Variants in PRLR observed in about 807,000 individuals in gnomAD.
The protein encoded by PRLR is prolactin receptor.
PRLR carries 13 observed loss-of-function variants against 40.2 expected under a neutral mutation model. The observed-to-expected ratio is 0.32, with a 90% CI of 0.21 to 0.51. The LOEUF (loss-of-function observed/expected upper bound fraction) is 0.51. Among genes scored for constraint, PRLR ranks in the 20% least tolerant of loss-of-function variants. The pLI, the probability that PRLR is intolerant of heterozygous loss-of-function variation, is 0.97. For missense variants in PRLR, 656 were observed against 747.3 expected (o/e 0.88, Z 1.42); for synonymous variants, 269 against 278.7 (o/e 0.97, Z 0.35).
intron 1 of PRLR, among the ~76,000 whole-genome samples, chr5:35,142,471 T>G (rs1467861748): frequency 6.6e-6 from 1 of 152,212 alleles, no homozygotes; most frequent in Non-Finnish European, 1.5e-5. Flanking sequence ...AATTATCTAG[T>G]GAATTTAATA....
chr5:35,217,115 C>A (rs1268575176), intron 1 of PRLR, among the ~76,000 whole-genome samples: 1 of 152,190 alleles, frequency 6.6e-6, no homozygotes, highest in Non-Finnish European at 1.5e-5. Flanking sequence ...CCAACCCATG[C>A]AATCCTTTTC....
chr5:35,180,098 A>G (rs765580704), intron 1 of PRLR, among the ~76,000 whole-genome samples: 1 of 152,194 alleles, frequency 6.6e-6, no homozygotes, highest in Non-Finnish European at 1.5e-5. Context: ...TGTGCAACCT[A>G]GATCCCTCAC....
At position 35,061,809 on chromosome 5, in the gene PRLR, C is replaced by T. The variant is rs1769055578; in HGVS notation, c.*3280G>A. Reference sequence around the variant, plus strand: ...AACTCAGAGTGTAAGGATACATGAGCCAACTGTGCAATGGTTGTTAACAAT... The same window carrying T: ...AACTCAGAGTGTAAGGATACATGAGTCAACTGTGCAATGGTTGTTAACAAT... On this transcript the variant is annotated 3_prime_UTR_variant, in exon 10 of 10. Transcript: ENST00000618457. The T allele has an allele frequency of 6.6e-6, 1 of 151,740 alleles. No individual in the cohort carries two copies. Among genetic ancestry groups the T allele is most frequent in the Admixed American group, 6.6e-5 (1 of 15,196 alleles). 9.4% of individuals were successfully genotyped at this position (151,740 alleles called of 1,614,324 possible).
chr5:35,106,516 A>G (rs1413068744), intron 2 of PRLR, among the ~76,000 whole-genome samples: 1 of 152,226 alleles, frequency 6.6e-6, no homozygotes, highest in African/African-American at 2.4e-5. Flanking sequence ...GGCTCAAAAT[A>G]AAGGGATGGA....
chr5:35,137,085 T>G (rs532873040), intron 1 of PRLR, among the ~76,000 whole-genome samples: 2 of 152,204 alleles, frequency 1.3e-5, no homozygotes, highest in Non-Finnish European at 2.9e-5. Context: ...TGCAGAATAC[T>G]ATCAGCAAAC....
rs201392351 is a variant in PRLR at position 35,072,731 on chromosome 5, A to T, written c.387T>A (p.Pro129=). ...VDVTYIVQPD[P]PLELAVEVKQ... ...TTACTTCCACAGCCAGCTCCAAAGGAGGGTCTGGCTGAACTGCAGAAATAC... is the reference window on the plus strand; with the variant it reads ...TTACTTCCACAGCCAGCTCCAAAGGTGGGTCTGGCTGAACTGCAGAAATAC... Residue 129 remains proline (P), a synonymous_variant, in exon 6 of 10, where the codon CCT becomes CCA. Coordinates refer to ENST00000618457, the MANE Select transcript of PRLR (RefSeq NM_000949.7). The T allele has an allele frequency of 8.7e-6, 14 of 1,614,054 alleles. 1 individual carries two copies. In the Middle Eastern group the frequency reaches 5.0e-4, roughly 57 times the overall value.
chr5:35,094,549 C>T (rs564634625), intron 2 of PRLR, among the ~76,000 whole-genome samples: 108 of 152,242 alleles, frequency 7.1e-4, no homozygotes, highest in African/African-American at 2.6e-3. Flanking sequence ...TTCATAATCA[C>T]TCTGTGCTAC....
chr5:35,094,342 GTTGT>G (rs1387886976), intron 2 of PRLR, among the ~76,000 whole-genome samples: 1 of 152,152 alleles, frequency 6.6e-6, no homozygotes, highest in Non-Finnish European at 1.5e-5. Context: ...ATTCATCCTT[GTTGT>G]TACATGTAGT....
At chr5:35,077,539 C>G (rs1213738749) in intron 5 of PRLR, among the ~76,000 whole-genome samples, 2 of 93,054 alleles carry the variant, frequency 2.1e-5, no homozygotes, top group Non-Finnish European at 4.0e-5. Flanking sequence ...TACAGGAGCA[C>G]CCAGATTCAT....
intron 1 of PRLR, among the ~76,000 whole-genome samples, chr5:35,177,485 C>G (rs1481633545): frequency 6.6e-6 from 1 of 152,192 alleles, no homozygotes; most frequent in African/African-American, 2.4e-5. Context: ...CTCCCCAGCC[C>G]CTGGCAAACA....
intron 1 of PRLR, among the ~76,000 whole-genome samples, chr5:35,204,440 C>G (rs1775962039): frequency 6.6e-6 from 1 of 152,050 alleles, no homozygotes; most frequent in African/African-American, 2.4e-5. Flanking sequence ...TAATAAGCAG[C>G]AGAGGGTACT....
At chr5:35,169,691 A>G (rs1774941582) in intron 1 of PRLR, among the ~76,000 whole-genome samples, 1 of 152,234 alleles carries the variant, frequency 6.6e-6, no homozygotes, top group South Asian at 2.1e-4. Context: ...TTATTGATTT[A>G]CCAACACCCA....
At chr5:35,089,119 G>A (rs955085160) in intron 3 of PRLR, among the ~76,000 whole-genome samples, 2 of 152,180 alleles carry the variant, frequency 1.3e-5, no homozygotes, top group African/African-American at 4.8e-5. Context: ...CCATGTAACA[G>A]CAACCTCTTA....
chr5:35,178,072 G>T (rs1033237813), intron 1 of PRLR, among the ~76,000 whole-genome samples: 5 of 151,736 alleles, frequency 3.3e-5, no homozygotes, highest in Non-Finnish European at 7.4e-5. Flanking sequence ...TAGTAATGAT[G>T]ATGAGTATCT....
intron 1 of PRLR, among the ~76,000 whole-genome samples, chr5:35,215,083 T>C (rs1776253726): frequency 6.6e-6 from 1 of 152,156 alleles, no homozygotes; most frequent in Non-Finnish European, 1.5e-5. Flanking sequence ...GGTTCTTTAG[T>C]ACATCAGTCT....
At chr5:35,054,044 G>A (rs1055481589), downstream of PRLR, among the ~76,000 whole-genome samples, 1 of 152,160 alleles carries the variant, frequency 6.6e-6, no homozygotes, top group Non-Finnish European at 1.5e-5. Context: ...AGATAAGCAG[G>A]AAAAGGATGA....
intron 1 of PRLR, among the ~76,000 whole-genome samples, chr5:35,153,391 T>A (rs1387781098): frequency 6.6e-6 from 1 of 152,166 alleles, no homozygotes; most frequent in Non-Finnish European, 1.5e-5. Context: ...TCAAAAGATA[T>A]GTAATGATCA....
chr5:35,187,399 TA>T (rs11343067), intron 1 of PRLR, among the ~76,000 whole-genome samples: 7,686 of 140,694 alleles, frequency 0.055, 401 homozygotes, highest in East Asian at 0.17. Context: ...AAACTCCGTT[TA>T]AAAAAAAAAA....
intron 1 of PRLR, among the ~76,000 whole-genome samples, chr5:35,204,803 A>C (rs78463742): frequency 0.029 from 4,376 of 152,264 alleles, 83 homozygotes; most frequent in Middle Eastern, 0.071. Flanking sequence ...TCGACTTTCT[A>C]GTAAGGCACC....
Sources: gnomAD v4.1 joint callset for allele counts (sites outside exome capture counted in the v4.1 genomes callset) on GRCh38, gnomAD v4.1.1 for gene constraint, MANE v1.5 for transcripts, NCBI Gene and HGNC (gene_info 2026-07-23, HGNC 2026-07-21) for gene names.